AIG1: variants seen among roughly 807,000 people sequenced by gnomAD.
AIG1 encodes the protein androgen induced 1.
In AIG1, 23 loss-of-function variants were observed where a neutral mutation model predicts 31.4. The ratio of observed to expected loss-of-function variants is 0.73; its 90% CI spans 0.53 to 1.04. The LOEUF is 1.04. Ranked by LOEUF, AIG1 falls within the 50% of genes least tolerant of loss-of-function variation. AIG1 has a pLI of 0.00. For missense variants in AIG1, 274 were observed against 295.0 expected, an observed-to-expected ratio of 0.93 and a Z score of 0.52; for synonymous variants, 100 against 110.5, an observed-to-expected ratio of 0.90 and a Z score of 0.60.
rs1369344001 is a variant in AIG1, at chr6:143,258,778, C to T, written c.400-25332C>T. Among the ~76,000 whole-genome samples, 1 of 152,110 alleles carries T rather than the reference C, an allele frequency of 6.6e-6. No homozygotes were observed. Among genetic ancestry groups the T allele is most frequent in the Admixed American group, 6.5e-5 (1 of 15,280 alleles). Reference sequence around the variant, plus strand: ...TCAAAACTGAGGTTGAAATTTGGTCCCCTCTGTGTTGGTGTTGGAAGATGT... The same window carrying T: ...TCAAAACTGAGGTTGAAATTTGGTCTCCTCTGTGTTGGTGTTGGAAGATGT... On this transcript the variant is annotated intron_variant, in intron 3 of 5. Coordinates refer to ENST00000357847, the MANE Select transcript of AIG1 (RefSeq NM_016108.4). This position sits in a 1 kb window ranked among gnomAD's most constrained non-coding sequence, Gnocchi z 4.7.
At chr6:143,229,238 T>C (rs1307494694) in intron 3 of AIG1, among the ~76,000 whole-genome samples, 1 of 152,258 alleles carries the variant, frequency 6.6e-6, no homozygotes, top group Non-Finnish European at 1.5e-5. Context: ...CAAAATGGAA[T>C]TGGTTTGGAG....
intron 3 of AIG1, among the ~76,000 whole-genome samples, chr6:143,242,660 A>G (rs1794323068): frequency 6.6e-6 from 1 of 152,244 alleles, no homozygotes; most frequent in Non-Finnish European, 1.5e-5. Context: ...GGAGAATCCT[A>G]AATCCATATG....
chr6:143,108,261 A>G (rs961726201), intron 1 of AIG1, among the ~76,000 whole-genome samples: 2 of 152,198 alleles, frequency 1.3e-5, no homozygotes, highest in African/African-American at 4.8e-5. Flanking sequence ...ACTCTACTAA[A>G]AATACTAAGA....
intron 1 of AIG1, among the ~76,000 whole-genome samples, chr6:143,127,260 C>G (rs1782768065): frequency 6.6e-6 from 1 of 152,198 alleles, no homozygotes; most frequent in South Asian, 2.1e-4. Flanking sequence ...CTCACTGCCT[C>G]TTTCCCATTT....
intron 3 of AIG1, among the ~76,000 whole-genome samples, chr6:143,236,302 C>T (rs1175782788): frequency 1.3e-5 from 2 of 152,178 alleles, no homozygotes; most frequent in Admixed American, 6.5e-5. Context: ...GGGCCTCTGC[C>T]GTGAGTTTGC....
intron 1 of AIG1, among the ~76,000 whole-genome samples, chr6:143,098,986 A>G (rs964065635): frequency 6.6e-6 from 1 of 152,234 alleles, no homozygotes; most frequent in East Asian, 1.9e-4. Flanking sequence ...AGAAATTGCC[A>G]AAGATCAGAG....
chr6:143,191,418 G>A (rs1439196942), intron 3 of AIG1, among the ~76,000 whole-genome samples: 2 of 151,966 alleles, frequency 1.3e-5, no homozygotes, highest in Admixed American at 6.6e-5. Flanking sequence ...TTTTTTCTGG[G>A]TTATATGAAA....
chr6:143,182,000 ACTCT>A (rs1285682626), intron 3 of AIG1, among the ~76,000 whole-genome samples: 4 of 150,958 alleles, frequency 2.6e-5, no homozygotes, highest in Non-Finnish European at 4.4e-5. Flanking sequence ...TCTTTCTCTC[ACTCT>A]CTCTCTCTCT....
chr6:143,341,190 G>A (rs1777843442), downstream of AIG1, among the ~76,000 whole-genome samples: 4 of 152,122 alleles, frequency 2.6e-5, no homozygotes. Flanking sequence ...AACTCATGGA[G>A]CTGGGACTTT....
chr6:143,286,776 C>T (rs938318684), intron 4 of AIG1, among the ~76,000 whole-genome samples: 5 of 152,118 alleles, frequency 3.3e-5, no homozygotes, highest in Admixed American at 6.5e-5. Flanking sequence ...AAATCTATAC[C>T]TCAGGGGCTG....
intron 4 of AIG1, among the ~76,000 whole-genome samples, chr6:143,300,389 G>T (rs886149277): frequency 2.0e-5 from 3 of 152,072 alleles, no homozygotes; most frequent in African/African-American, 7.2e-5. Flanking sequence ...CACATTTGGC[G>T]CTCCACTCTT....
chr6:143,103,501 CTTTTTTTTTTTTTT>C (rs1173435325), intron 1 of AIG1, among the ~76,000 whole-genome samples: 1 of 84,210 alleles, frequency 1.2e-5, no homozygotes, highest in African/African-American at 4.7e-5. Context: ...CAGAAGTTTT[CTTTTTTTTTTTTTT>C]TTTTTTTTTT....
chr6:143,189,694 T>A, intron 3 of AIG1: 1 of 985,404 alleles, frequency 1.0e-6, no homozygotes, highest in South Asian at 4.7e-5. Flanking sequence ...TACCTAAATG[T>A]TTTTAACTGA....
intron 4 of AIG1, among the ~76,000 whole-genome samples, chr6:143,332,130 C>T (rs540476823): frequency 2.1e-4 from 32 of 152,102 alleles, no homozygotes; most frequent in Middle Eastern, 3.4e-3. Context: ...CCTCAGCCTC[C>T]GAAAGTGCTG....
At chr6:143,265,913 C>T (rs188935639) in intron 3 of AIG1, among the ~76,000 whole-genome samples, 1 of 152,362 alleles carries the variant, frequency 6.6e-6, no homozygotes, top group Non-Finnish European at 1.5e-5. Context: ...CTTCAAGGTG[C>T]ATTTCATTTC....
chr6:143,170,677 A>G (rs1338717510), intron 3 of AIG1, among the ~76,000 whole-genome samples: 1 of 149,128 alleles, frequency 6.7e-6, no homozygotes, highest in Non-Finnish European at 1.5e-5. Flanking sequence ...TATTAATTTT[A>G]GGTTTTGTTT....
intron 3 of AIG1, among the ~76,000 whole-genome samples, chr6:143,270,442 G>A (rs1051174007): frequency 6.6e-6 from 1 of 152,190 alleles, no homozygotes; most frequent in Non-Finnish European, 1.5e-5. Flanking sequence ...TCCCACCCAC[G>A]CTTCTATAAC....
At chr6:143,319,820 A>G (rs537916949) in intron 4 of AIG1, among the ~76,000 whole-genome samples, 2 of 152,298 alleles carry the variant, frequency 1.3e-5, no homozygotes, top group East Asian at 1.9e-4. Context: ...AGGGATTATT[A>G]TGAACGATTA....
chr6:143,218,636 G>C (rs952147902), intron 3 of AIG1, among the ~76,000 whole-genome samples: 1 of 152,162 alleles, frequency 6.6e-6, no homozygotes, highest in African/African-American at 2.4e-5. Flanking sequence ...ACAAAAACTT[G>C]AGTGTAGATA....
Sources: gnomAD v4.1 joint callset for allele counts (sites outside exome capture counted in the v4.1 genomes callset) on GRCh38, gnomAD v4.1.1 for gene constraint, Gnocchi (gnomAD v3.1) non-coding constraint, MANE v1.5 for transcripts, NCBI Gene and HGNC (gene_info 2026-07-23, HGNC 2026-07-21) for gene names.